The following SPIDR variants were observed in gnomAD, a reference collection of about 807,000 sequenced individuals.
SPIDR encodes DNA repair-scaffolding protein.
A neutral mutation model predicts 104.6 loss-of-function variants in SPIDR; 93 were observed. That is an observed-to-expected ratio of 0.89 (90% CI 0.75 to 1.06). SPIDR has a LOEUF of 1.06. Ranked by LOEUF, SPIDR falls within the 50% of genes least tolerant of loss-of-function variation. The probability of loss-of-function intolerance (pLI) is 0.00; values close to 1 mark genes in which losing one functional copy is unlikely to be tolerated. For synonymous variants in SPIDR, 431 were observed against 416.9 expected, an observed-to-expected ratio of 1.03 and a Z score of -0.41; for missense variants, 1,154 against 1,111.2, an observed-to-expected ratio of 1.04 and a Z score of -0.55.
At chr8:47,703,193 G>C (rs1046674214) in intron 14 of SPIDR, among the ~76,000 whole-genome samples, 4 of 152,210 alleles carry the variant, frequency 2.6e-5, no homozygotes, top group Admixed American at 1.3e-4. Context: ...ACCCAATTCA[G>C]CTGCCTGGTT....
At chr8:47,515,133 A>G (rs1332558177) in intron 8 of SPIDR, among the ~76,000 whole-genome samples, 3 of 152,210 alleles carry the variant, frequency 2.0e-5, no homozygotes, top group African/African-American at 7.2e-5. Context: ...TAACCTCCAC[A>G]TCTGACCCCC....
intron 5 of SPIDR, among the ~76,000 whole-genome samples, chr8:47,368,398 G>A (rs554890859): frequency 8.2e-5 from 11 of 134,012 alleles, no homozygotes; most frequent in Non-Finnish European, 6.2e-5. Flanking sequence ...TTTTGCTAGG[G>A]AGATCCCACT....
intron 8 of SPIDR, among the ~76,000 whole-genome samples, chr8:47,568,172 T>TA (rs1486784068): frequency 6.6e-6 from 1 of 152,144 alleles, no homozygotes; most frequent in Non-Finnish European, 1.5e-5. Context: ...GAGAGTTTGG[T>TA]AGTTACGAGC....
chr8:47,267,048 A>G (rs960820473), intron 1 of SPIDR, among the ~76,000 whole-genome samples: 7 of 152,194 alleles, frequency 4.6e-5, no homozygotes, highest in Non-Finnish European at 1.0e-4. Context: ...ATGTTGTTGC[A>G]TGTATCAGTA....
At chr8:47,405,318 GTGTGTA>G (rs1200832644) in intron 6 of SPIDR, among the ~76,000 whole-genome samples, 2 of 151,484 alleles carry the variant, frequency 1.3e-5, no homozygotes, top group Admixed American at 6.6e-5. Flanking sequence ...GTGTGTGTGT[GTGTGTA>G]TATATGTGTG....
chr8:47,293,647 C>T (rs1434900782), intron 4 of SPIDR, among the ~76,000 whole-genome samples: 3 of 152,158 alleles, frequency 2.0e-5, no homozygotes, highest in Non-Finnish European at 2.9e-5. Flanking sequence ...AGCATTTCAT[C>T]TTGTTGGCCA....
At chr8:47,416,468 A>C (rs1458291002) in intron 7 of SPIDR, among the ~76,000 whole-genome samples, 1 of 152,160 alleles carries the variant, frequency 6.6e-6, no homozygotes, top group Non-Finnish European at 1.5e-5. Flanking sequence ...AGTCATTAAA[A>C]ATAAAAGGTG....
intron 8 of SPIDR, chr8:47,527,741 C>A (rs2085256337): frequency 6.6e-6 from 1 of 152,196 alleles, no homozygotes; most frequent in Non-Finnish European, 1.5e-5. Context: ...GTTGGGTTCA[C>A]CAGATGTTGC....
intron 8 of SPIDR, among the ~76,000 whole-genome samples, chr8:47,485,678 G>A (rs2077491069): frequency 6.6e-6 from 1 of 152,204 alleles, no homozygotes; most frequent in African/African-American, 2.4e-5. Flanking sequence ...CGATCAGGCA[G>A]CAGCATTTGC....
rs149946864 is a variant in SPIDR, at chr8:47,356,953, T to C, written c.526-39423T>C. ...TCAATGACCCTGTTGAAATGGGGTT[T>C]ATTTTGCATATGGGGTAACTTGGCT... On this transcript the variant is annotated intron_variant, in intron 5 of 19. Coordinates refer to ENST00000297423, the MANE Select transcript of SPIDR (RefSeq NM_001080394.4). Among the ~76,000 whole-genome samples the C allele has an allele frequency of 2.3e-3, 343 of 152,276 alleles. 1 individual carries two copies. The highest frequency in any genetic ancestry group is 3.6e-3 in the Non-Finnish European group (243 of 68,026).
At chr8:47,312,987 C>T (rs1304923956) in intron 5 of SPIDR, among the ~76,000 whole-genome samples, 3 of 152,100 alleles carry the variant, frequency 2.0e-5, no homozygotes, top group African/African-American at 7.2e-5. Context: ...GAATCCTTTC[C>T]CGAAAACTGG....
At chr8:47,667,475 G>A (rs867306366) in intron 10 of SPIDR, among the ~76,000 whole-genome samples, 10 of 147,268 alleles carry the variant, frequency 6.8e-5, no homozygotes, top group African/African-American at 2.0e-4. Flanking sequence ...AGCCAGGCAC[G>A]GTGGCATGTG....
At position 47,735,603 on chromosome 8, in the gene SPIDR, TAC is replaced by T; in HGVS notation, c.*155_*156del. 6.9e-7 allele frequency: 1 copy of T among 1,447,880 alleles called. No homozygotes were observed. Among genetic ancestry groups the T allele is most frequent in the Non-Finnish European group, 9.3e-7 (1 of 1,079,980 alleles). 89.7% of individuals were successfully genotyped at this position (1,447,880 alleles called of 1,614,324 possible). A position where few individuals can be genotyped will look rare whatever the true frequency, so the allele number is the denominator to read the frequency against. On this transcript the variant is annotated 3_prime_UTR_variant, in exon 20 of 20. Transcript: ENST00000297423. The stretch of plus-strand genomic sequence containing the variant: ...AGATTTTTCTGGGGAAATGTTCAGA[TAC>T]AGTTTTGTGAACTGTAAATCAAAAT...
At chr8:47,722,963 C>T (rs765415420) in intron 16 of SPIDR, among the ~76,000 whole-genome samples, 2 of 152,154 alleles carry the variant, frequency 1.3e-5, no homozygotes, top group South Asian at 2.1e-4. Flanking sequence ...GTCAGCCTCC[C>T]GAGTAACTAG....
intron 8 of SPIDR, among the ~76,000 whole-genome samples, chr8:47,569,074 T>G (rs983364886): frequency 2.6e-5 from 4 of 152,052 alleles, no homozygotes; most frequent in Non-Finnish European, 5.9e-5. Context: ...AGTTAAAAGA[T>G]GGAAAAAGAT....
intron 8 of SPIDR, among the ~76,000 whole-genome samples, chr8:47,475,312 G>A (rs1554723158): frequency 6.6e-6 from 1 of 152,222 alleles, no homozygotes; most frequent in Non-Finnish European, 1.5e-5. Flanking sequence ...GCCGGGCCCA[G>A]AGCATGCTCG....
intron 5 of SPIDR, among the ~76,000 whole-genome samples, chr8:47,348,883 A>G (rs1587473749): frequency 6.6e-6 from 1 of 152,184 alleles, no homozygotes; most frequent in East Asian, 1.9e-4. Flanking sequence ...CTTCCTTACG[A>G]TGGGTTTAAA....
intron 19 of SPIDR, 117 bp from the exon 20 acceptor site, chr8:47,735,190 T>C (rs1041378097): frequency 5.7e-6 from 5 of 874,924 alleles, no homozygotes; most frequent in Non-Finnish European, 9.3e-6. Context: ...ATTTGAGGAG[T>C]GGAAGGTCGT....
intron 8 of SPIDR, among the ~76,000 whole-genome samples, chr8:47,539,049 C>CGT (rs2087552364): frequency 6.6e-6 from 1 of 151,364 alleles, no homozygotes; most frequent in African/African-American, 2.4e-5. Flanking sequence ...TTAGTAGAGA[C>CGT]GTGGTTTCAC....
Sources: allele counts gnomAD v4.1 joint callset (sites outside exome capture counted in the v4.1 genomes callset), GRCh38; gene constraint gnomAD v4.1.1; transcripts MANE v1.5; gene names NCBI Gene and HGNC (gene_info 2026-07-23, HGNC 2026-07-21).